The following CCDC171 variants were observed in gnomAD, a reference collection of about 807,000 sequenced individuals.
CCDC171 encodes coiled-coil domain containing 171.
A neutral mutation model predicts 168.2 loss-of-function variants in CCDC171; 177 were observed. The observed-to-expected ratio is 1.05, with a 90% CI of 0.93 to 1.19. CCDC171 has a LOEUF of 1.19. Among genes scored for constraint, CCDC171 ranks in the 50% most tolerant of loss-of-function variants. CCDC171 has a pLI of 0.00. For missense variants in CCDC171, 1,991 were observed against 1,539.0 expected (o/e 1.29, Z -4.91); for synonymous variants, 687 against 540.8 (o/e 1.27, Z -3.75).
chr9:16,102,335 C>G, the CCDC171 span, among the ~76,000 whole-genome samples: 2 of 152,162 alleles, frequency 1.3e-5, no homozygotes, highest in Admixed American at 1.3e-4. Context: ...ACACACCTTC[C>G]TTTCCAGGGA....
At chr9:15,701,373 G>A (rs2133881702) in intron 11 of CCDC171, among the ~76,000 whole-genome samples, 2 of 152,170 alleles carry the variant, frequency 1.3e-5, no homozygotes, top group South Asian at 4.1e-4. Context: ...TGTAGTTTCA[G>A]GTCTTATGTT....
At chr9:16,066,146 T>C (rs2133092836), downstream of CCDC171, among the ~76,000 whole-genome samples, 1 of 152,260 alleles carries the variant, frequency 6.6e-6, no homozygotes, top group Non-Finnish European at 1.5e-5. Context: ...ATGACAAGAT[T>C]TCTTCACTGC....
At chr9:15,711,149 C>T (rs1373619078) in intron 11 of CCDC171, among the ~76,000 whole-genome samples, 3 of 152,048 alleles carry the variant, frequency 2.0e-5, no homozygotes, top group African/African-American at 7.2e-5. Context: ...ACTATCGTGA[C>T]TAAGGAATTG....
intron 2 of CCDC171, among the ~76,000 whole-genome samples, chr9:15,565,728 A>G (rs561469712): frequency 4.6e-5 from 7 of 152,250 alleles, no homozygotes; most frequent in Admixed American, 2.6e-4. Flanking sequence ...ATTCCATTGT[A>G]TGGATATGCC....
chr9:15,807,234 T>C (rs1012895928), intron 21 of CCDC171, among the ~76,000 whole-genome samples: 7 of 152,226 alleles, frequency 4.6e-5, no homozygotes, highest in South Asian at 2.1e-4. Context: ...CAACTCAGTC[T>C]GGTTAGGAAC....
intron 25 of CCDC171, among the ~76,000 whole-genome samples, chr9:15,962,318 G>A (rs11792979): frequency 0.018 from 2,665 of 152,172 alleles, 32 homozygotes; most frequent in Non-Finnish European, 0.026. Flanking sequence ...TTTTCACCGC[G>A]TAGCTATAGC....
the CCDC171 span, among the ~76,000 whole-genome samples, chr9:16,090,275 A>G: frequency 2.6e-5 from 4 of 152,236 alleles, no homozygotes; most frequent in African/African-American, 7.2e-5. Flanking sequence ...TTGCAGGGAC[A>G]TAAATGAAGT....
Position 15,760,406 on chromosome 9 carries a change from T to A in CCDC171, c.2671+14775T>A, listed in dbSNP as rs192118703. On this transcript the variant is annotated intron_variant, in intron 18 of 25. Coordinates refer to ENST00000380701, the MANE Select transcript of CCDC171 (RefSeq NM_173550.4). The stretch of plus-strand genomic sequence containing the variant: ...GAAAGAAAATTTACTGTAAAACGTG[T>A]TGGATATACATTAAAGTATTGGTTA... 1.6e-4 allele frequency among the ~76,000 whole-genome samples: 25 copies of A among 152,308 alleles called. No homozygotes were observed. In the East Asian group the frequency reaches 2.9e-3, roughly 18 times the overall value.
intron 11 of CCDC171, among the ~76,000 whole-genome samples, chr9:15,705,011 A>G (rs932965353): frequency 3.9e-5 from 6 of 152,068 alleles, no homozygotes; most frequent in Admixed American, 3.9e-4. Context: ...GATCTAATGT[A>G]CAACATGGTG....
At chr9:15,599,393 C>G (rs2042648780) in intron 6 of CCDC171, among the ~76,000 whole-genome samples, 1 of 152,122 alleles carries the variant, frequency 6.6e-6, no homozygotes, top group Admixed American at 6.6e-5. Flanking sequence ...TATTTTATTT[C>G]TCCTTCACTT....
At chr9:15,662,543 C>T (rs967258365) in intron 8 of CCDC171, among the ~76,000 whole-genome samples, 1 of 152,040 alleles carries the variant, frequency 6.6e-6, no homozygotes, top group African/African-American at 2.4e-5. Flanking sequence ...AAGCATATAC[C>T]ATATTATTTC....
intron 1 of CCDC171, among the ~76,000 whole-genome samples, chr9:15,561,631 A>G (rs1306539520): frequency 3.9e-5 from 6 of 152,084 alleles, no homozygotes; most frequent in Admixed American, 3.9e-4. Context: ...ACCTGGTGGA[A>G]GAAGAGGGAG....
chr9:15,971,044 A>T (rs970649042), intron 25 of CCDC171, among the ~76,000 whole-genome samples: 1 of 152,212 alleles, frequency 6.6e-6, no homozygotes, highest in African/African-American at 2.4e-5. Context: ...TGGCATTATT[A>T]TTAAAGTAAA....
At chr9:15,651,046 T>C (rs796235704) in intron 7 of CCDC171, among the ~76,000 whole-genome samples, 5 of 152,230 alleles carry the variant, frequency 3.3e-5, no homozygotes, top group African/African-American at 1.2e-4. Context: ...ATAACTATCC[T>C]AACTGTCATT....
At chr9:15,705,025 A>G (rs554000648) in intron 11 of CCDC171, among the ~76,000 whole-genome samples, 11 of 152,050 alleles carry the variant, frequency 7.2e-5, no homozygotes, top group East Asian at 5.8e-4. Context: ...CATGGTGACA[A>G]TAGTTAATAA....
chr9:15,986,204 A>G (rs914273948), intron 3 of CCDC171, among the ~76,000 whole-genome samples: 53 of 152,224 alleles, frequency 3.5e-4, no homozygotes, highest in African/African-American at 1.2e-3. Flanking sequence ...GCTGATAGGC[A>G]AAAGGTAAAG....
intron 18 of CCDC171, among the ~76,000 whole-genome samples, chr9:15,752,252 C>G (rs2055801205): frequency 6.6e-6 from 1 of 152,140 alleles, no homozygotes; most frequent in Non-Finnish European, 1.5e-5. Context: ...AGTCAGGAAA[C>G]AACAGATGCT....
intron 1 of CCDC171, among the ~76,000 whole-genome samples, chr9:15,555,764 A>T (rs1476869443): frequency 3.3e-5 from 5 of 152,188 alleles, no homozygotes; most frequent in Non-Finnish European, 7.4e-5. Flanking sequence ...TACATGTGCC[A>T]TGTTGGTGTG....
At chr9:15,810,011 A>G (rs763368273) in intron 21 of CCDC171, among the ~76,000 whole-genome samples, 1 of 152,104 alleles carries the variant, frequency 6.6e-6, no homozygotes, top group Non-Finnish European at 1.5e-5. Flanking sequence ...GCTAGACACA[A>G]AAGTTCTCCA....
Sources: gnomAD v4.1 joint callset for allele counts (sites outside exome capture counted in the v4.1 genomes callset) on GRCh38, gnomAD v4.1.1 for gene constraint, MANE v1.5 for transcripts, NCBI Gene and HGNC (gene_info 2026-07-23, HGNC 2026-07-21) for gene names.